The following PSME4 variants were observed in gnomAD, a reference collection of about 807,000 sequenced individuals.
The protein encoded by PSME4 is proteasome activator complex subunit 4.
A neutral mutation model predicts 253.9 loss-of-function variants in PSME4; 89 were observed. The observed-to-expected ratio is 0.35, with a 90% CI of 0.30 to 0.42. PSME4 has a LOEUF of 0.42. Among genes scored for constraint, PSME4 ranks in the 10% least tolerant of loss-of-function variants. PSME4 has a pLI of 1.00. For synonymous variants in PSME4, 851 were observed against 759.2 expected, an observed-to-expected ratio of 1.12 and a Z score of -1.99; for missense variants, 2,014 against 2,195.2, an observed-to-expected ratio of 0.92 and a Z score of 1.65.
At chr2:53,888,879 G>T in intron 37 of PSME4, 67 bp from the exon 38 acceptor site, 3 of 1,246,532 alleles carry the variant, frequency 2.4e-6, no homozygotes, top group Non-Finnish European at 3.5e-6. Flanking sequence ...ATCATACTCA[G>T]TTATTTAATT....
chr2:53,893,852 A>G, intron 34 of PSME4, 53 bp from the exon 35 acceptor site: 1 of 1,513,930 alleles, frequency 6.6e-7, no homozygotes, highest in Non-Finnish European at 8.8e-7. Flanking sequence ...ACTTAAATAC[A>G]TGATTCTGAA....
At chr2:53,951,559 G>C (rs1339447052) in intron 1 of PSME4, among the ~76,000 whole-genome samples, 1 of 152,172 alleles carries the variant, frequency 6.6e-6, no homozygotes, top group African/African-American at 2.4e-5. Context: ...TATGAGACCA[G>C]CAAATATAGA....
chr2:53,937,628 G>A, intron 4 of PSME4, 88 bp from the exon 5 acceptor site: 1 of 1,251,148 alleles, frequency 8.0e-7, no homozygotes, highest in Non-Finnish European at 1.1e-6. Context: ...AAGGCTGGGG[G>A]AGGAGGAGAA....
In PSME4 at chr2:53,948,424, G is replaced by A; in HGVS notation, c.497C>T (p.Pro166Leu). 1 of 1,598,446 alleles carries A rather than the reference G, an allele frequency of 6.3e-7. No individual in the cohort carries two copies. The highest frequency in any genetic ancestry group is 1.3e-5 in the African/African-American group (1 of 74,640). The change falls in exon 3 of 47, where the codon CCT becomes CTT. Residue 166 changes from proline (P) to leucine (L), a missense_variant. This residue lies in a region of PSME4 where 615 missense variants were observed against 594.4 expected (regional missense o/e 1.03). Coordinates refer to ENST00000404125, the MANE Select transcript of PSME4 (RefSeq NM_014614.3). Reference protein sequence around the residue: ...KTEHLGLNWFPNSVENILKTL... With the variant: ...KTEHLGLNWFLNSVENILKTL... ...TGCTTTAAATGGAAATACTTACTTA[G>A]GAAACCAATTTAATCCTAGGTGCTC...
intron 3 of PSME4, among the ~76,000 whole-genome samples, chr2:53,946,736 C>T (rs980985260): frequency 6.6e-6 from 1 of 152,034 alleles, no homozygotes; most frequent in African/African-American, 2.4e-5. Context: ...TGTAGAGACC[C>T]TGTCTCTACA....
chr2:53,915,240 A>C (rs1049372621), intron 20 of PSME4, among the ~76,000 whole-genome samples: 3 of 152,110 alleles, frequency 2.0e-5, no homozygotes, highest in Non-Finnish European at 2.9e-5. Context: ...CGGGAAATTG[A>C]GACCAGCCTA....
intron 3 of PSME4, among the ~76,000 whole-genome samples, chr2:53,940,974 T>TAA (rs1469537822): frequency 3.2e-5 from 2 of 62,642 alleles, no homozygotes; most frequent in African/African-American, 4.6e-5. Flanking sequence ...TATATATATA[T>TAA]ATATATATAT....
rs1405623782 is a variant in PSME4 at position 53,864,855 on chromosome 2, C to G, written c.*723G>C. On this transcript the variant is annotated 3_prime_UTR_variant, in exon 47 of 47. Transcript: ENST00000404125. ...TGTAAAGAATACAGGGAAAAAACAGCCAGTCAGGGTTTTTATTGTTGTTGC... is the reference window on the plus strand; with the variant it reads ...TGTAAAGAATACAGGGAAAAAACAGGCAGTCAGGGTTTTTATTGTTGTTGC... 1 of 152,560 alleles carries G rather than the reference C, an allele frequency of 6.6e-6. No homozygotes were observed. Among genetic ancestry groups the G allele is most frequent in the Non-Finnish European group, 1.5e-5 (1 of 68,020 alleles). 9.5% of individuals were successfully genotyped at this position (152,560 alleles called of 1,614,324 possible).
intron 6 of PSME4, 104 bp from the exon 7 acceptor site, chr2:53,936,265 A>C (rs1251403321): frequency 8.2e-6 from 12 of 1,460,662 alleles, no homozygotes; most frequent in Non-Finnish European, 1.1e-5. Context: ...TCATTAGTGC[A>C]ATCTACTTAA....
chr2:53,885,833 G>A, intron 40 of PSME4, 58 bp from the exon 41 acceptor site: 1 of 1,240,172 alleles, frequency 8.1e-7, no homozygotes, highest in Non-Finnish European at 1.2e-6. Context: ...AGACCACAAA[G>A]TAGAACAATA....
intron 17 of PSME4, among the ~76,000 whole-genome samples, chr2:53,922,251 C>A (rs1239923764): frequency 6.6e-6 from 1 of 152,090 alleles, no homozygotes; most frequent in African/African-American, 2.4e-5. Flanking sequence ...AAAAAATTCC[C>A]AAATCTGATC....
Position 53,895,711 on chromosome 2 carries a change from A to T in PSME4, c.3714T>A (p.Ile1238=), listed in dbSNP as rs1273951336. The part of the protein sequence containing the change: ...EISGCPKPTQ[I]IAGDRPDNHW... ...GATTATCAGGCCTATCACCAGCAAT[A>T]ATTTGGGTGGGTTTAGGGCATCCAC... The change falls in exon 33 of 47, where the codon ATT becomes ATA. Residue 1238 remains isoleucine (I), a synonymous_variant. Coordinates refer to ENST00000404125, the MANE Select transcript of PSME4 (RefSeq NM_014614.3). 1 of 1,611,516 alleles carries T rather than the reference A, an allele frequency of 6.2e-7. No homozygotes were observed. The highest frequency in any genetic ancestry group is 8.5e-7 in the Non-Finnish European group (1 of 1,179,286).
intron 26 of PSME4, 52 bp from the exon 27 acceptor site, chr2:53,904,208 G>A (rs112458689): frequency 2.0e-6 from 3 of 1,490,378 alleles, no homozygotes; most frequent in Non-Finnish European, 9.1e-7. Context: ...AAAGTACAAA[G>A]CAGTTTAAAA....
chr2:53,884,195 A>G (rs751538595), intron 41 of PSME4, among the ~76,000 whole-genome samples: 1 of 152,088 alleles, frequency 6.6e-6, no homozygotes, highest in Non-Finnish European at 1.5e-5. Context: ...ATGGTAACTT[A>G]TATCGTACAG....
At chr2:53,969,886 G>C (rs1174899233) in intron 1 of PSME4, among the ~76,000 whole-genome samples, 1 of 151,958 alleles carries the variant, frequency 6.6e-6, no homozygotes, top group Non-Finnish European at 1.5e-5. Flanking sequence ...CTCTCCAAAA[G>C]AAATGTCACA....
chr2:53,868,589 AAT>A (rs542187105), intron 44 of PSME4, among the ~76,000 whole-genome samples: 53 of 132,532 alleles, frequency 4.0e-4, no homozygotes, highest in African/African-American at 1.0e-3. Context: ...ATATATTTAT[AAT>A]ATATATATAA....
chr2:53,970,706 C>T lies in PSME4; in HGVS notation c.79G>A (p.Val27Ile), dbSNP rs1484756621. The change falls in exon 1 of 47, where the codon GTC (valine) becomes ATC (isoleucine). Residue 27 changes from valine (V) to isoleucine (I), a missense_variant. Around this residue, in one of 4 missense-constraint regions of PSME4, gnomAD observed 615 missense variants for 594.4 expected, o/e 1.03. Transcript: ENST00000404125. ...GRPEPGPRGF[V>I]PQKEIVYNKL... Reference sequence around the variant, plus strand: ...TTGTAGACGATCTCCTTCTGCGGGACGAAGCCCCGCGGGCCCGGCTCGGGA... The same window carrying T: ...TTGTAGACGATCTCCTTCTGCGGGATGAAGCCCCGCGGGCCCGGCTCGGGA... 3 of 1,548,766 alleles carry T rather than the reference C, an allele frequency of 1.9e-6. No homozygotes were observed. The highest frequency in any genetic ancestry group is 2.6e-6 in the Non-Finnish European group (3 of 1,146,440).
intron 10 of PSME4, among the ~76,000 whole-genome samples, chr2:53,929,199 C>T (rs1276680995): frequency 1.3e-5 from 2 of 151,892 alleles, no homozygotes; most frequent in East Asian, 3.9e-4. Context: ...ACTGATAGAT[C>T]CTGCATGATT....
At chr2:53,924,094 C>T (rs1668454184) in intron 14 of PSME4, among the ~76,000 whole-genome samples, 3 of 152,150 alleles carry the variant, frequency 2.0e-5, no homozygotes, top group African/African-American at 7.2e-5. Context: ...ATCCTGACAA[C>T]TACAAACTAG....
Sources: gnomAD v4.1 joint callset for allele counts (sites outside exome capture counted in the v4.1 genomes callset) on GRCh38, gnomAD v4.1.1 for gene constraint, gnomAD v4.1.1 regional missense constraint, MANE v1.5 for transcripts, NCBI Gene and HGNC (gene_info 2026-07-23, HGNC 2026-07-21) for gene names.